The following JAK1 variants were observed in gnomAD, a reference collection of about 807,000 sequenced individuals.
JAK1 encodes tyrosine-protein kinase JAK1.
Under a neutral mutation model 136.6 loss-of-function variants are expected in JAK1, and 16 were observed. That is an observed-to-expected ratio of 0.12 (90% confidence interval 0.08 to 0.18). JAK1 has a LOEUF of 0.18. JAK1 is among the 10% of genes least tolerant of loss of function. The pLI, the probability that JAK1 is intolerant of heterozygous loss-of-function variation, is 1.00. For synonymous variants in JAK1, 492 were observed against 519.5 expected (o/e 0.95, Z 0.72); for missense variants, 859 against 1,450.1 (o/e 0.59, Z 6.62).
Position 64,903,029 on chromosome 1 carries a change from G to A in JAK1, c.-77-16688C>T, listed in dbSNP as rs186439404. Among the ~76,000 whole-genome samples the A allele has an allele frequency of 2.1e-4, 32 of 152,144 alleles. No individual in the cohort carries two copies. The East Asian group carries it at 6.2e-3, about 29-fold the overall frequency. ...CTAGAATATGGATGCTGCCAACATG[G>A]TTGGTAAGGACAAAGAGACAGAGTT... On this transcript the variant is annotated intron_variant, in intron 1 of 24. Coordinates refer to ENST00000342505, the MANE Select transcript of JAK1 (RefSeq NM_002227.4).
chr1:64,860,001 G>T, intron 9 of JAK1, 104 bp downstream of exon 9: 1 of 973,060 alleles, frequency 1.0e-6, no homozygotes. Context: ...CAAGTACCAG[G>T]CAGCATGGTC....
At chr1:64,943,400 C>A (rs1028663625) in intron 1 of JAK1, among the ~76,000 whole-genome samples, 3 of 152,064 alleles carry the variant, frequency 2.0e-5, no homozygotes, top group Admixed American at 1.3e-4. Flanking sequence ...CTCTAATGCC[C>A]TTTTTATAGA....
intron 1 of JAK1, among the ~76,000 whole-genome samples, chr1:64,909,307 G>C (rs1026972625): frequency 1.3e-5 from 2 of 152,174 alleles, no homozygotes; most frequent in Non-Finnish European, 2.9e-5. Context: ...TGAAAGAGGG[G>C]CTCAGAGGCA....
At chr1:64,866,341 C>T (rs971455105) in intron 7 of JAK1, among the ~76,000 whole-genome samples, 4 of 152,196 alleles carry the variant, frequency 2.6e-5, no homozygotes, top group African/African-American at 9.7e-5. Context: ...TGCTCTATTT[C>T]TTCATCCAAT....
At chr1:64,860,042 C>T in intron 9 of JAK1, 63 bp downstream of exon 9, 1 of 1,315,380 alleles carries the variant, frequency 7.6e-7, no homozygotes, top group Non-Finnish European at 1.0e-6. Flanking sequence ...TGATGACATG[C>T]CCCATCACTA....
intron 7 of JAK1, among the ~76,000 whole-genome samples, chr1:64,865,526 G>C (rs1055784122): frequency 1.3e-5 from 2 of 152,226 alleles, no homozygotes; most frequent in African/African-American, 4.8e-5. Context: ...CTGGAGACCA[G>C]AGATCTAGGT....
intron 2 of JAK1, among the ~76,000 whole-genome samples, chr1:65,024,510 G>A (rs485938): frequency 0.23 from 34,588 of 151,738 alleles, 5,055 homozygotes; most frequent in East Asian, 0.39. Flanking sequence ...TGAATTGAGA[G>A]AGTCTGTTGT....
rs1484795601 is a variant in JAK1 at position 64,902,619 on chromosome 1, T to C, written c.-77-16278A>G. Among the ~76,000 whole-genome samples, 3 of 147,678 alleles carry C rather than the reference T, an allele frequency of 2.0e-5. No homozygotes were observed. The East Asian group carries it at 6.1e-4, about 30-fold the overall frequency. ...GTGTGTGTGTGTGTGTGTTATGGCA[T>C]GTTAAGATGGAAGAGACTTGAGAAC... On this transcript the variant is annotated intron_variant, in intron 1 of 24. Transcript: ENST00000342505.
chr1:64,888,842 T>C (rs540320015), intron 1 of JAK1, among the ~76,000 whole-genome samples: 20 of 152,346 alleles, frequency 1.3e-4, no homozygotes, highest in Middle Eastern at 3.4e-3. Context: ...TTAACTGTGA[T>C]GCTTTTGAAT....
At chr1:65,015,846 A>T (rs1250875469) in intron 2 of JAK1, among the ~76,000 whole-genome samples, 1 of 152,122 alleles carries the variant, frequency 6.6e-6, no homozygotes, top group Non-Finnish European at 1.5e-5. Context: ...CCTAAGTATT[A>T]TATATATATC....
At chr1:65,052,249 T>C (rs962078061) in intron 1 of JAK1, among the ~76,000 whole-genome samples, 2 of 151,606 alleles carry the variant, frequency 1.3e-5, no homozygotes, top group African/African-American at 4.8e-5. Flanking sequence ...GCACACATTC[T>C]TGTACTTGGC....
chr1:64,989,434 C>T (rs1646634388), intron 2 of JAK1: 1 of 152,074 alleles, frequency 6.6e-6, no homozygotes, highest in African/African-American at 2.4e-5. Context: ...CCACACCTTA[C>T]CTTGCAATGG....
At chr1:64,840,273 C>T (rs998216945) in intron 19 of JAK1, among the ~76,000 whole-genome samples, 6 of 152,156 alleles carry the variant, frequency 3.9e-5, no homozygotes, top group Admixed American at 1.3e-4. Context: ...CTGATGCACT[C>T]GCTGCATACA....
chr1:64,851,447 G>A (rs1655586453), intron 11 of JAK1, among the ~76,000 whole-genome samples: 1 of 152,230 alleles, frequency 6.6e-6, no homozygotes, highest in Non-Finnish European at 1.5e-5. Flanking sequence ...AGAGGAGGAG[G>A]TGAACAAACG....
chr1:64,876,598 C>A (rs1459097001), intron 4 of JAK1: 1 of 152,082 alleles, frequency 6.6e-6, no homozygotes, highest in African/African-American at 2.4e-5. Context: ...TCCCTATCAC[C>A]CATAAGACCA....
chr1:65,057,457 T>A (rs1647597810), intron 1 of JAK1, among the ~76,000 whole-genome samples: 1 of 152,168 alleles, frequency 6.6e-6, no homozygotes, highest in Non-Finnish European at 1.5e-5. Context: ...TCCCAGCACT[T>A]TGGGAGGCTG....
intron 2 of JAK1, among the ~76,000 whole-genome samples, chr1:65,008,201 G>A (rs1444478444): frequency 6.6e-6 from 1 of 152,156 alleles, no homozygotes; most frequent in Non-Finnish European, 1.5e-5. Context: ...CACCCAGTAC[G>A]GAAGTGTAGG....
At position 64,930,428 on chromosome 1, in the gene JAK1, C is replaced by T. The variant is rs533256545; in HGVS notation, c.-78+35905G>A. 3.3e-5 allele frequency among the ~76,000 whole-genome samples: 5 copies of T among 152,166 alleles called. No homozygotes were observed. The South Asian group carries it at 6.2e-4, about 19-fold the overall frequency. On this transcript the variant is annotated intron_variant, in intron 1 of 24. Coordinates refer to ENST00000342505, the MANE Select transcript of JAK1 (RefSeq NM_002227.4). ...TCATCATCACTGTTCATTAGAGAAA[C>T]GCAAATCAAAACCACGATGAGATAC...
At chr1:64,849,018 C>T (rs1456528754) in intron 12 of JAK1, among the ~76,000 whole-genome samples, 1 of 152,142 alleles carries the variant, frequency 6.6e-6, no homozygotes, top group Non-Finnish European at 1.5e-5. Context: ...CAGAACATCC[C>T]GTAAAAGCCA....
Sources: allele counts gnomAD v4.1 joint callset (sites outside exome capture counted in the v4.1 genomes callset), GRCh38; gene constraint gnomAD v4.1.1; transcripts MANE v1.5; gene names NCBI Gene and HGNC (gene_info 2026-07-23, HGNC 2026-07-21).